The following ZBTB38 variants were observed in gnomAD, a reference collection of about 807,000 sequenced individuals.
ZBTB38 encodes zinc finger and BTB domain containing 38.
Under a neutral mutation model 76.8 loss-of-function variants are expected in ZBTB38, and 20 were observed. The observed-to-expected ratio is 0.26, with a 90% confidence interval of 0.18 to 0.38. The LOEUF (loss-of-function observed/expected upper bound fraction) is 0.38. Ranked by LOEUF, ZBTB38 falls within the 10% of genes least tolerant of loss-of-function variation. The probability of loss-of-function intolerance (pLI) is 1.00; values close to 1 mark genes in which losing one functional copy is unlikely to be tolerated. For missense variants in ZBTB38, 1,082 were observed against 1,482.3 expected, an observed-to-expected ratio of 0.73 and a Z score of 4.43; for synonymous variants, 504 against 544.2, an observed-to-expected ratio of 0.93 and a Z score of 1.03.
chr3:141,433,449 A>G (rs987702455), intron 5 of ZBTB38, among the ~76,000 whole-genome samples: 3 of 152,048 alleles, frequency 2.0e-5, no homozygotes, highest in African/African-American at 7.2e-5. Context: ...CTTTCTGTCA[A>G]TATTTACCAT....
intron 3 of ZBTB38, chr3:141,386,657 G>A (rs545551982): frequency 1.3e-5 from 2 of 152,704 alleles, no homozygotes; most frequent in African/African-American, 2.4e-5. Flanking sequence ...AAGAGAATAT[G>A]AGAGTGTTCT....
At chr3:141,358,998 A>G (rs939146087) in intron 1 of ZBTB38, among the ~76,000 whole-genome samples, 27 of 152,236 alleles carry the variant, frequency 1.8e-4, no homozygotes, top group African/African-American at 6.5e-4. Context: ...AGTAGCTGTT[A>G]TGTGGTCATA....
chr3:141,340,949 GGAAAGAAA>G lies in ZBTB38; in HGVS notation c.-739+16528_-739+16535del, dbSNP rs56095613. 3.8e-3 allele frequency among the ~76,000 whole-genome samples: 422 copies of G among 111,968 alleles called. 2 individuals carry two copies. The highest frequency in any genetic ancestry group is 7.4e-3 in the Admixed American group (81 of 10,902). 73.5% of individuals were successfully genotyped at this position (111,968 alleles called of 152,430 possible). ...GGAAAAAAGAAAAGAAAAGAAAGAA[GGAAAGAAA>G]GAAAGAAAGAAAGAAAGAAAGAAAG... On this transcript the variant is annotated intron_variant, in intron 1 of 7. Transcript: ENST00000509842.
intron 1 of ZBTB38, among the ~76,000 whole-genome samples, chr3:141,329,640 A>C (rs551387417): frequency 5.9e-5 from 9 of 152,346 alleles, no homozygotes; most frequent in East Asian, 1.9e-4. Flanking sequence ...GGTTAGGGAC[A>C]GGGGAGGAGA....
upstream of ZBTB38, chr3:141,366,163 A>G (rs1660762040): frequency 6.6e-6 from 1 of 152,228 alleles, no homozygotes; most frequent in African/African-American, 2.4e-5. Context: ...CAGAGCATAT[A>G]ACCCAAGAAT....
chr3:141,404,512 G>A (rs1034944510), intron 5 of ZBTB38, among the ~76,000 whole-genome samples: 4 of 152,106 alleles, frequency 2.6e-5, no homozygotes, highest in Admixed American at 1.3e-4. Context: ...GACCATCCCC[G>A]GGACACTTGC....
intron 1 of ZBTB38, among the ~76,000 whole-genome samples, chr3:141,326,882 AGTAGAACAAAGG>A (rs1411422364): frequency 6.6e-6 from 1 of 152,210 alleles, no homozygotes; most frequent in Non-Finnish European, 1.5e-5. Context: ...TTGTGGCACC[AGTAGAACAAAGG>A]GTGAGGCTTT....
chr3:141,327,467 C>T (rs572439271), intron 1 of ZBTB38, among the ~76,000 whole-genome samples: 28 of 152,280 alleles, frequency 1.8e-4, no homozygotes, highest in African/African-American at 6.0e-4. Flanking sequence ...AAATGTCAGA[C>T]TAAAATTGAA....
chr3:141,435,388 T>C (rs1043134706), intron 5 of ZBTB38, among the ~76,000 whole-genome samples: 12 of 152,230 alleles, frequency 7.9e-5, no homozygotes. Context: ...GTATAATATA[T>C]GTCAGCATAT....
chr3:141,376,922 C>A (rs1384624443), intron 2 of ZBTB38, among the ~76,000 whole-genome samples: 3 of 152,218 alleles, frequency 2.0e-5, no homozygotes, highest in Non-Finnish European at 4.4e-5. Flanking sequence ...GTGGTCCCAC[C>A]CTTGCCTCTC....
chr3:141,442,608 C>T lies in ZBTB38; in HGVS notation c.220C>T (p.Leu74=), dbSNP rs1577535626. The change falls in exon 6 of 6, where the codon CTG becomes TTG. Residue 74 remains leucine (L), a synonymous_variant. Coordinates refer to ENST00000321464, the MANE Select transcript of ZBTB38 (RefSeq NM_001376113.1). The surrounding 1 kb of genome is among the most constrained non-coding windows in gnomAD (Gnocchi z 6.4). The part of the protein sequence containing the change: ...SHTICISSHV[L]ELDDLKAEVF... ...TACAATCTGTATTTCCAGCCACGTCCTGGAGCTGGACGATCTCAAAGCTGA... is the reference window on the plus strand; with the variant it reads ...TACAATCTGTATTTCCAGCCACGTCTTGGAGCTGGACGATCTCAAAGCTGA... 2 of 1,614,136 alleles carry T rather than the reference C, an allele frequency of 1.2e-6. No homozygotes were observed. The highest frequency in any genetic ancestry group is 1.7e-6 in the Non-Finnish European group (2 of 1,179,988).
intron 1 of ZBTB38, among the ~76,000 whole-genome samples, chr3:141,346,007 C>T: frequency 6.6e-6 from 1 of 152,116 alleles, no homozygotes; most frequent in East Asian, 1.9e-4. Flanking sequence ...CTTACAGAGG[C>T]TGAAGAAATT....
At chr3:141,339,351 G>A (rs1943106091) in intron 1 of ZBTB38, among the ~76,000 whole-genome samples, 1 of 152,190 alleles carries the variant, frequency 6.6e-6, no homozygotes, top group African/African-American at 2.4e-5. Flanking sequence ...AGCCTTTGGA[G>A]CATTTTGAAC....
rs1001464501 is a variant in ZBTB38, at chr3:141,368,802, C to G, written c.-312C>G. The G allele has an allele frequency of 6.6e-6, 1 of 151,946 alleles. No individual in the cohort carries two copies. The highest frequency in any genetic ancestry group is 6.5e-5 in the Admixed American group (1 of 15,272). 9.4% of individuals were successfully genotyped at this position (151,946 alleles called of 1,614,324 possible). A position where few individuals can be genotyped will look rare whatever the true frequency, so the allele number is the denominator to read the frequency against. On this transcript the variant is annotated splice_region_variant and 5_prime_UTR_variant, in exon 1 of 6. Coordinates refer to ENST00000321464, the MANE Select transcript of ZBTB38 (RefSeq NM_001376113.1). ...TGGGTTTCAGAGGAGCCAGCGCCTC[C>G]GAGTAAGTGAAGGCCCACTTTTGGC...
intron 5 of ZBTB38, among the ~76,000 whole-genome samples, chr3:141,436,466 T>TA (rs2078810050): frequency 6.6e-6 from 1 of 152,170 alleles, no homozygotes; most frequent in Admixed American, 6.5e-5. Context: ...ACCCCAGTGT[T>TA]GCCTGGTCTT....
intron 5 of ZBTB38, among the ~76,000 whole-genome samples, chr3:141,406,117 A>C (rs1478872713): frequency 1.3e-5 from 2 of 152,226 alleles, no homozygotes; most frequent in Non-Finnish European, 2.9e-5. Flanking sequence ...AAAACTGGAG[A>C]ACATTCAGTG....
intron 5 of ZBTB38, among the ~76,000 whole-genome samples, chr3:141,412,501 T>C (rs777642514): frequency 2.0e-4 from 30 of 152,284 alleles, no homozygotes; most frequent in Non-Finnish European, 3.7e-4. Context: ...TAGATCAGTA[T>C]ATTTAAAGCA....
At chr3:141,332,015 C>T (rs1410523416) in intron 1 of ZBTB38, among the ~76,000 whole-genome samples, 8 of 152,166 alleles carry the variant, frequency 5.3e-5, no homozygotes, top group African/African-American at 1.4e-4. Flanking sequence ...GGGTCAGCAG[C>T]GGGGAATTGT....
intron 3 of ZBTB38, among the ~76,000 whole-genome samples, chr3:141,385,296 C>T (rs1217789897): frequency 7.0e-6 from 1 of 143,520 alleles, no homozygotes; most frequent in Non-Finnish European, 1.5e-5. Flanking sequence ...AAATCAGTCT[C>T]AGCATTTTAT....
Sources: allele counts gnomAD v4.1 joint callset (sites outside exome capture counted in the v4.1 genomes callset), GRCh38; gene constraint gnomAD v4.1.1; non-coding constraint Gnocchi (gnomAD v3.1); transcripts MANE v1.5; gene names NCBI Gene and HGNC (gene_info 2026-07-23, HGNC 2026-07-21).